Variants in CUL3 observed in about 807,000 individuals in gnomAD.
CUL3 encodes cullin 3, also known as cullin-3.
A neutral mutation model predicts 89.1 loss-of-function variants in CUL3; 19 were observed. The ratio of observed to expected loss-of-function variants is 0.21; its 90% CI spans 0.15 to 0.31. The LOEUF is 0.31. Among genes scored for constraint, CUL3 ranks in the 10% least tolerant of loss-of-function variants. CUL3 has a pLI of 1.00. For synonymous variants in CUL3, 351 were observed against 308.4 expected (o/e 1.14, Z -1.45); for missense variants, 469 against 942.3 (o/e 0.50, Z 6.58).
chr2:224,580,614 G>A (rs1695413252), intron 1 of CUL3, among the ~76,000 whole-genome samples: 1 of 152,178 alleles, frequency 6.6e-6, no homozygotes, highest in Non-Finnish European at 1.5e-5. Flanking sequence ...AACCCAAGAG[G>A]TGGAGGCTGC....
chr2:224,500,560 G>T, intron 10 of CUL3, 73 bp from the exon 11 acceptor site: 3 of 1,408,266 alleles, frequency 2.1e-6, no homozygotes, highest in Admixed American at 1.9e-5. Context: ...TAGACATTGT[G>T]TTAGATTTAC....
intron 1 of CUL3, among the ~76,000 whole-genome samples, chr2:224,558,371 C>G (rs1336131815): frequency 6.6e-6 from 1 of 152,152 alleles, no homozygotes; most frequent in Non-Finnish European, 1.5e-5. Flanking sequence ...TCACTCTACT[C>G]TTCTAGATGA....
intron 6 of CUL3, among the ~76,000 whole-genome samples, chr2:224,510,221 T>C (rs930269948): frequency 2.0e-5 from 3 of 148,520 alleles, no homozygotes; most frequent in Non-Finnish European, 4.5e-5. Context: ...TGACTTCTGT[T>C]TTTTTTTTTT....
intron 2 of CUL3, among the ~76,000 whole-genome samples, chr2:224,539,563 T>A (rs1279453558): frequency 6.6e-6 from 1 of 152,214 alleles, no homozygotes; most frequent in East Asian, 1.9e-4. Context: ...GACGTTCTTC[T>A]GCAGATGAGT....
chr2:224,556,658 T>C (rs1574691941), intron 2 of CUL3, among the ~76,000 whole-genome samples: 1 of 152,168 alleles, frequency 6.6e-6, no homozygotes, highest in Non-Finnish European at 1.5e-5. Flanking sequence ...GAATAAGGAA[T>C]GTATTAGGCA....
chr2:224,546,729 C>T (rs1480249291), intron 2 of CUL3, among the ~76,000 whole-genome samples: 1 of 152,018 alleles, frequency 6.6e-6, no homozygotes, highest in African/African-American at 2.4e-5. Context: ...ATAGCTGATA[C>T]TTAACATGGG....
At chr2:224,515,781 T>C (rs1574648121) in intron 3 of CUL3, among the ~76,000 whole-genome samples, 1 of 152,040 alleles carries the variant, frequency 6.6e-6, no homozygotes, top group East Asian at 1.9e-4. Flanking sequence ...CTGCAACCTC[T>C]TCCTCCTGGG....
chr2:224,474,395 A>G lies in CUL3; in HGVS notation c.2176-19T>C. 6.2e-7 allele frequency: 1 copy of G among 1,607,768 alleles called. No individual in the cohort carries two copies. The highest frequency in any genetic ancestry group is 8.5e-7 in the Non-Finnish European group (1 of 1,176,342). The stretch of plus-strand genomic sequence containing the variant: ...GAGTTACCTAAAAAAGAAAGTAGAT[A>G]GTATTTTTATATAAACACATAAAAA... On this transcript the variant is annotated intron_variant, in intron 15 of 15. Coordinates refer to ENST00000264414, the MANE Select transcript of CUL3 (RefSeq NM_003590.5).
intron 13 of CUL3, among the ~76,000 whole-genome samples, chr2:224,489,892 G>A (rs944501702): frequency 2.6e-5 from 4 of 152,162 alleles, no homozygotes; most frequent in African/African-American, 9.7e-5. Context: ...GCACAGCAAG[G>A]AAACTATCAT....
intron 2 of CUL3, among the ~76,000 whole-genome samples, chr2:224,554,992 T>G (rs538239810): frequency 6.6e-4 from 101 of 152,326 alleles, no homozygotes; most frequent in Admixed American, 2.5e-3. Context: ...TCTGGGCTCT[T>G]CATTTTCTGA....
chr2:224,523,414 T>C (rs749404335), intron 3 of CUL3, among the ~76,000 whole-genome samples: 1 of 149,304 alleles, frequency 6.7e-6, no homozygotes, highest in African/African-American at 2.5e-5. Context: ...AAACACAAAA[T>C]AACAAGTTTT....
rs962536296 is a variant in CUL3 at position 224,473,391 on chromosome 2, A to T, written c.*854T>A. 1.6e-5 allele frequency: 3 copies of T among 192,918 alleles called. No individual in the cohort carries two copies. The highest frequency in any genetic ancestry group is 4.6e-5 in the African/African-American group (2 of 43,020). The allele number at this position is 192,918 out of a possible 1,614,324, so 12.0% of individuals were successfully genotyped here. A position where few individuals can be genotyped will look rare whatever the true frequency, so the allele number is the denominator to read the frequency against. On this transcript the variant is annotated 3_prime_UTR_variant, in exon 16 of 16. Coordinates refer to ENST00000264414, the MANE Select transcript of CUL3 (RefSeq NM_003590.5). ...AGCTGCCAACTTTGTGCTCTGACAT[A>T]CTTGAATTAGTGGGTATGTGTATAC...
At position 224,551,882 on chromosome 2, in the gene CUL3, A is replaced by T. The variant is rs4674921; in HGVS notation, c.264+5777T>A. Among the ~76,000 whole-genome samples, 1,245 of 152,278 alleles carry T rather than the reference A, an allele frequency of 8.2e-3. 10 individuals are homozygous for T. The highest frequency in any genetic ancestry group is 0.029 in the African/African-American group (1,187 of 41,530). On this transcript the variant is annotated intron_variant, in intron 2 of 15. Transcript: ENST00000264414. ...TTTTCTTGTGAGCGCTTATTCTTCT[A>T]ATCCCAGTTTAAACACTATCACTTC...
chr2:224,570,264 T>A (rs916846713), intron 1 of CUL3, among the ~76,000 whole-genome samples: 1 of 152,204 alleles, frequency 6.6e-6, no homozygotes, highest in Non-Finnish European at 1.5e-5. Flanking sequence ...CCATCAATTA[T>A]TCCTTAAGCA....
intron 1 of CUL3, among the ~76,000 whole-genome samples, chr2:224,579,687 C>A (rs1695390352): frequency 6.6e-6 from 1 of 152,186 alleles, no homozygotes; most frequent in Non-Finnish European, 1.5e-5. Flanking sequence ...TATCATAACA[C>A]TCTTTCTCCT....
chr2:224,490,312 C>CT (rs1202713044), intron 13 of CUL3, among the ~76,000 whole-genome samples: 1 of 152,192 alleles, frequency 6.6e-6, no homozygotes, highest in Non-Finnish European at 1.5e-5. Context: ...AAGCTGTCCT[C>CT]TCTCTCTAAC....
intron 4 of CUL3, 137 bp downstream of exon 4, chr2:224,514,475 A>C: frequency 3.1e-6 from 2 of 650,702 alleles, no homozygotes; most frequent in Non-Finnish European, 4.9e-6. Flanking sequence ...GTTAACTCTG[A>C]TACTAAGTTT....
At chr2:224,494,696 G>GT in intron 13 of CUL3, among the ~76,000 whole-genome samples, 1 of 152,256 alleles carries the variant, frequency 6.6e-6, no homozygotes, top group Admixed American at 6.5e-5. Context: ...AACTGACAGC[G>GT]TGAGGGGAAA....
chr2:224,478,073 T>C, intron 15 of CUL3, 127 bp downstream of exon 15: 1 of 927,690 alleles, frequency 1.1e-6, no homozygotes, highest in Non-Finnish European at 1.5e-6. Context: ...GTGCCATACA[T>C]TTCATAAGTG....
Sources: allele counts gnomAD v4.1 joint callset (sites outside exome capture counted in the v4.1 genomes callset), GRCh38; gene constraint gnomAD v4.1.1; transcripts MANE v1.5; gene names NCBI Gene and HGNC (gene_info 2026-07-23, HGNC 2026-07-21).